PCOLCE2: variants seen among roughly 807,000 people sequenced by gnomAD.
PCOLCE2 encodes procollagen C-proteinase enhancer 2.
A neutral mutation model predicts 47.0 loss-of-function variants in PCOLCE2; 42 were observed. The observed-to-expected ratio is 0.89, with a 90% CI of 0.70 to 1.16. The LOEUF is 1.16. Ranked by LOEUF, PCOLCE2 falls within the 50% of genes most tolerant of loss-of-function variation. PCOLCE2 has a pLI of 0.00. For synonymous variants in PCOLCE2, 169 were observed against 191.7 expected, an observed-to-expected ratio of 0.88 and a Z score of 0.98; for missense variants, 500 against 526.1, an observed-to-expected ratio of 0.95 and a Z score of 0.49.
rs1330527590 is a variant in PCOLCE2 at position 142,823,504 on chromosome 3, G to C, written c.949+28C>G. On this transcript the variant is annotated intron_variant, in intron 7 of 8. Coordinates refer to ENST00000295992, the MANE Select transcript of PCOLCE2 (RefSeq NM_013363.4). Reference sequence around the variant, plus strand: ...ATGCAGCCTCAAGTTTCTGGTTAAAGAGAAAAAGACTGGCTTTTATTTCTT... The same window carrying C: ...ATGCAGCCTCAAGTTTCTGGTTAAACAGAAAAAGACTGGCTTTTATTTCTT... 5.0e-6 allele frequency: 7 copies of C among 1,386,856 alleles called. No individual in the cohort carries two copies. The African/African-American group carries it at 1.0e-4, about 20-fold the overall frequency. The allele number at this position is 1,386,856 out of a possible 1,614,324, so 85.9% of individuals were successfully genotyped here. A position where few individuals can be genotyped will look rare whatever the true frequency, so the allele number is the denominator to read the frequency against.
chr3:142,822,137 G>A (rs547759684), intron 7 of PCOLCE2, among the ~76,000 whole-genome samples: 2 of 152,022 alleles, frequency 1.3e-5, no homozygotes, highest in African/African-American at 4.8e-5. Flanking sequence ...GGCTGGTCTC[G>A]AACTCCCAAC....
chr3:142,842,840 C>T lies in PCOLCE2; in HGVS notation c.573+84G>A. On this transcript the variant is annotated intron_variant, in intron 4 of 8. Transcript: ENST00000295992. The surrounding 1 kb of genome is among the most constrained non-coding windows in gnomAD (Gnocchi z 4.1). ...CTTAGCTCTCGAATAGCCCCCACAA[C>T]AGGAGGCTCTTGAGAGTTGGTGGGC... 2 of 1,349,096 alleles carry T rather than the reference C, an allele frequency of 1.5e-6. No individual in the cohort carries two copies. The highest frequency in any genetic ancestry group is 2.1e-6 in the Non-Finnish European group (2 of 952,182). The allele number at this position is 1,349,096 out of a possible 1,614,324, so 83.6% of individuals were successfully genotyped here.
At chr3:142,836,419 C>A (rs1405803890) in intron 5 of PCOLCE2, among the ~76,000 whole-genome samples, 1 of 152,226 alleles carries the variant, frequency 6.6e-6, no homozygotes, top group Non-Finnish European at 1.5e-5. Context: ...CTTCCAGGAA[C>A]TGGCACATGC....
chr3:142,826,433 C>G (rs921165601), intron 6 of PCOLCE2, among the ~76,000 whole-genome samples: 1 of 152,222 alleles, frequency 6.6e-6, no homozygotes, highest in African/African-American at 2.4e-5. Context: ...GGTCACCCCC[C>G]TCCGACCTGA....
intron 5 of PCOLCE2, among the ~76,000 whole-genome samples, chr3:142,832,610 C>G (rs996170251): frequency 6.6e-6 from 1 of 152,160 alleles, no homozygotes; most frequent in Non-Finnish European, 1.5e-5. Context: ...ACTCAAAAAC[C>G]CACCCAGGAC....
At chr3:142,860,123 T>A (rs1485826503) in intron 2 of PCOLCE2, among the ~76,000 whole-genome samples, 1 of 152,198 alleles carries the variant, frequency 6.6e-6, no homozygotes. Flanking sequence ...GGGAAATAAG[T>A]CCTTGCCCTC....
In PCOLCE2 at chr3:142,828,878, A is replaced by T. The variant is rs1274771679; in HGVS notation, c.865+814T>A. ...ATGAGGCAGTACACGTCCACACCACACAGTGGCGCACTTGCAGAGTGCAAG... is the reference window on the plus strand; with the variant it reads ...ATGAGGCAGTACACGTCCACACCACTCAGTGGCGCACTTGCAGAGTGCAAG... On this transcript the variant is annotated intron_variant, in intron 6 of 8. Transcript: ENST00000295992. 2.0e-5 allele frequency among the ~76,000 whole-genome samples: 3 copies of T among 152,330 alleles called. No homozygotes were observed. In the South Asian group the frequency reaches 6.2e-4, roughly 32 times the overall value.
At position 142,820,931 on chromosome 3, in the gene PCOLCE2, T is replaced by A; in HGVS notation, c.1064A>T (p.Asn355Ile). 1 of 1,614,174 alleles carries A rather than the reference T, an allele frequency of 6.2e-7. No homozygotes were observed. The highest frequency in any genetic ancestry group is 8.5e-7 in the Non-Finnish European group (1 of 1,180,020). Residue 355 changes from asparagine (N) to isoleucine (I), a missense_variant, in exon 8 of 9, where the codon AAC becomes ATC. Transcript: ENST00000295992. ...GNLAIQQAGK[N>I]MSARLTVVCK... ...GACGACAGTCAGCCTGGCACTCATGTTCTTGCCCGCCTGCTGAATCGCCAA... is the reference window on the plus strand; with the variant it reads ...GACGACAGTCAGCCTGGCACTCATGATCTTGCCCGCCTGCTGAATCGCCAA...
At chr3:142,827,840 C>T (rs923703193) in intron 6 of PCOLCE2, 12 of 543,692 alleles carry the variant, frequency 2.2e-5, no homozygotes, top group African/African-American at 1.5e-4. Context: ...CCCAACAAGG[C>T]GACAGCCTAA....
chr3:142,823,755 AC>A (rs1937042685), intron 6 of PCOLCE2, 140 bp from the exon 7 acceptor site: 1 of 602,452 alleles, frequency 1.7e-6, no homozygotes, highest in African/African-American at 1.9e-5. Context: ...ATTTAAAACC[AC>A]GCAAAATAAA....
chr3:142,826,919 TA>T (rs1937086394), intron 6 of PCOLCE2, among the ~76,000 whole-genome samples: 1 of 152,184 alleles, frequency 6.6e-6, no homozygotes, highest in Non-Finnish European at 1.5e-5. Flanking sequence ...TTTGCCAGTG[TA>T]ACCTTCTCTT....
In PCOLCE2 at chr3:142,871,976, C is replaced by T. The variant is rs551789059; in HGVS notation, c.192+15693G>A. On this transcript the variant is annotated intron_variant, in intron 2 of 8. Coordinates refer to ENST00000295992, the MANE Select transcript of PCOLCE2 (RefSeq NM_013363.4). Reference sequence around the variant, plus strand: ...CATTTGCCCCTCCAGATCCACTCTCCTCCCATCTTCACCCTACTCTTCTTG... The same window carrying T: ...CATTTGCCCCTCCAGATCCACTCTCTTCCCATCTTCACCCTACTCTTCTTG... Among the ~76,000 whole-genome samples the T allele has an allele frequency of 7.1e-4, 108 of 152,290 alleles. 1 individual carries two copies. The highest frequency in any genetic ancestry group is 2.5e-3 in the African/African-American group (105 of 41,568).
chr3:142,877,130 G>A (rs1478154783), intron 2 of PCOLCE2, among the ~76,000 whole-genome samples: 1 of 152,194 alleles, frequency 6.6e-6, no homozygotes, highest in East Asian at 1.9e-4. Flanking sequence ...GTAAATTAAA[G>A]TCTCCATCTA....
At chr3:142,857,657 A>G (rs1933091029) in intron 2 of PCOLCE2, among the ~76,000 whole-genome samples, 1 of 152,244 alleles carries the variant, frequency 6.6e-6, no homozygotes, top group South Asian at 2.1e-4. Context: ...ACACATCAGA[A>G]CTGTCCAGGA....
chr3:142,883,832 C>T (rs1404467330), intron 2 of PCOLCE2, among the ~76,000 whole-genome samples: 1 of 152,030 alleles, frequency 6.6e-6, no homozygotes, highest in African/African-American at 2.4e-5. Context: ...GCCGAGTTTG[C>T]AATGAATTTA....
intron 2 of PCOLCE2, among the ~76,000 whole-genome samples, chr3:142,856,830 T>A (rs1933069179): frequency 6.6e-6 from 1 of 152,084 alleles, no homozygotes; most frequent in Admixed American, 6.5e-5. Flanking sequence ...AAGTTATACA[T>A]TCCTCATCCA....
chr3:142,863,602 G>C (rs530411520), intron 2 of PCOLCE2, among the ~76,000 whole-genome samples: 2 of 152,126 alleles, frequency 1.3e-5, no homozygotes, highest in Non-Finnish European at 2.9e-5. Flanking sequence ...CTCAAATAGC[G>C]CGTAAGAGAG....
intron 2 of PCOLCE2, among the ~76,000 whole-genome samples, chr3:142,865,148 T>C (rs1439755250): frequency 2.6e-5 from 4 of 151,958 alleles, no homozygotes; most frequent in African/African-American, 9.7e-5. Flanking sequence ...ACACTTGCTA[T>C]TCTCTGTGTT....
chr3:142,875,443 T>C (rs28453252), intron 2 of PCOLCE2, among the ~76,000 whole-genome samples: 3,277 of 152,272 alleles, frequency 0.022, 108 homozygotes, highest in African/African-American at 0.075. Context: ...AATTATCACA[T>C]GATCCAGCAG....
Sources: allele counts gnomAD v4.1 joint callset (sites outside exome capture counted in the v4.1 genomes callset), GRCh38; gene constraint gnomAD v4.1.1; non-coding constraint Gnocchi (gnomAD v3.1); transcripts MANE v1.5; gene names NCBI Gene and HGNC (gene_info 2026-07-23, HGNC 2026-07-21).